Variants in WFS1 observed in about 807,000 individuals in gnomAD.
WFS1 encodes the protein wolframin.
WFS1 carries 90 observed loss-of-function variants against 68.5 expected under a neutral mutation model. The ratio of observed to expected loss-of-function variants is 1.31; its 90% CI spans 1.11 to 1.56. The LOEUF (loss-of-function observed/expected upper bound fraction) is 1.56. Ranked by LOEUF, WFS1 falls within the 40% of genes most tolerant of loss-of-function variation. WFS1 has a pLI of 0.00. For synonymous variants in WFS1, 860 were observed against 540.7 expected, an observed-to-expected ratio of 1.59 and a Z score of -8.19; for missense variants, 1,767 against 1,232.6, an observed-to-expected ratio of 1.43 and a Z score of -6.49.
Position 6,300,660 on chromosome 4 carries a change from G to A in WFS1, c.865G>A (p.Val289Ile). ...PEDLPLRLKV[V>I]KYPLHAIMEI... is the part of the protein sequence containing the mutation. ...CCACGTACCATCTTTCCCCCAGGTG[G>A]TCAAGTACCCCCTGCACGCCATCAT... The change falls in exon 8 of 8, where the codon GTC becomes ATC. Residue 289 changes from valine (V) to isoleucine (I), a missense_variant. Transcript: ENST00000226760. The A allele has an allele frequency of 6.2e-7, 1 of 1,613,964 alleles. No homozygotes were observed. The highest frequency in any genetic ancestry group is 1.3e-5 in the African/African-American group (1 of 74,980).
chr4:6,286,999 C>T (rs1730328863), intron 2 of WFS1, 94 bp from the exon 3 acceptor site: 1 of 1,088,618 alleles, frequency 9.2e-7, no homozygotes, highest in Non-Finnish European at 1.4e-6. Context: ...CAAGCAGCAG[C>T]AGATCTGAAG....
chr4:6,294,887 T>C, intron 6 of WFS1, 154 bp from the exon 7 acceptor site: 1 of 1,315,050 alleles, frequency 7.6e-7, no homozygotes, highest in East Asian at 2.4e-5. Flanking sequence ...TCCTCAACCC[T>C]CAGGCCGCCC....
At chr4:6,292,556 G>A (rs1730496453) in intron 6 of WFS1, among the ~76,000 whole-genome samples, 1 of 152,128 alleles carries the variant, frequency 6.6e-6, no homozygotes, top group Non-Finnish European at 1.5e-5. Context: ...TGTGGTCAAA[G>A]ACTGAGAAGA....
Position 6,301,458 on chromosome 4 carries a change from G to C in WFS1, c.1663G>C (p.Gly555Arg). 6.2e-7 allele frequency: 1 copy of C among 1,612,634 alleles called. No individual in the cohort carries two copies. ...VVILLESTGL[G>R]LLRASIGYFL... ...CATCCTGCTGGAGTCCACCGGCCTGGGGCTGCTCCGCGCCTCCATCGGCTA... is the reference window on the plus strand; with the variant it reads ...CATCCTGCTGGAGTCCACCGGCCTGCGGCTGCTCCGCGCCTCCATCGGCTA... The change falls in exon 8 of 8, where the codon GGG (glycine) becomes CGG (arginine). Residue 555 changes from glycine to arginine, a missense_variant. Transcript: ENST00000226760.
rs1489071190 is a variant in WFS1 at position 6,291,516 on chromosome 4, C to T, written c.631+149C>T. The T allele has an allele frequency of 4.6e-6, 5 of 1,083,214 alleles. No homozygotes were observed. The Admixed American group carries it at 1.0e-4, about 22-fold the overall frequency. 67.1% of individuals were successfully genotyped at this position (1,083,214 alleles called of 1,614,324 possible). ...CTTCCCTGTGAGGACAGGGCCCTTC[C>T]TTGTGGGGACCAGGGGACCAGAACC... On this transcript the variant is annotated intron_variant, in intron 5 of 7. Coordinates refer to ENST00000226760, the MANE Select transcript of WFS1 (RefSeq NM_006005.3).
rs757577536 is a variant in WFS1 at position 6,277,420 on chromosome 4, T to A, written c.-5-31T>A. ...GTGCCAGAGCGGGCTCTGCCGGTGC[T>A]GGATGTGCCTGACCTTGACTTTTCT... On this transcript the variant is annotated intron_variant, in intron 1 of 7. Transcript: ENST00000226760. 13 of 1,546,230 alleles carry A rather than the reference T, an allele frequency of 8.4e-6. No individual in the cohort carries two copies. In the East Asian group the frequency reaches 2.9e-4, roughly 35 times the overall value.
intron 4 of WFS1, among the ~76,000 whole-genome samples, chr4:6,290,981 G>A (rs1051830994): frequency 2.0e-4 from 30 of 152,358 alleles, no homozygotes; most frequent in Admixed American, 7.2e-4. Context: ...ACTTGGGGGC[G>A]TCTGGTGGGA....
At chr4:6,289,498 A>G (rs1266807012) in intron 4 of WFS1, among the ~76,000 whole-genome samples, 1 of 152,246 alleles carries the variant, frequency 6.6e-6, no homozygotes, top group Non-Finnish European at 1.5e-5. Context: ...AGAGTGGCCC[A>G]TGCCCCTGAG....
rs200258084 is a variant in WFS1 at position 6,302,435 on chromosome 4, C to T, written c.2640C>T (p.Asp880=). The T allele has an allele frequency of 3.7e-6, 6 of 1,613,186 alleles. No individual in the cohort carries two copies. In the African/African-American group the frequency reaches 8.0e-5, roughly 21 times the overall value. Residue 880 remains aspartate (D), a synonymous_variant, in exon 8 of 8, where the codon GAC becomes GAT. Coordinates refer to ENST00000226760, the MANE Select transcript of WFS1 (RefSeq NM_006005.3). ...ATGGCGCCGTGAAGTTCGCCTTCGA[C>T]TTCTTTTTCTTCCCATTCCTGTCGG... ...TVHGAVKFAF[D]FFFFPFLSAA is the part of the protein sequence containing the mutation.
chr4:6,285,764 G>A (rs927231783), intron 2 of WFS1, among the ~76,000 whole-genome samples: 4 of 152,202 alleles, frequency 2.6e-5, no homozygotes, highest in Admixed American at 2.0e-4. Flanking sequence ...GCCTGGCACG[G>A]TATGGTTCTG....
intron 1 of WFS1, among the ~76,000 whole-genome samples, chr4:6,275,125 A>G (rs534541175): frequency 6.6e-6 from 1 of 152,344 alleles, no homozygotes; most frequent in Non-Finnish European, 1.5e-5. Context: ...CTCATGAGAA[A>G]AGACAAGTAC....
rs769507863 is a variant in WFS1, at chr4:6,301,466, C to A, written c.1671C>A (p.Leu557=). 1 of 1,612,696 alleles carries A rather than the reference C, an allele frequency of 6.2e-7. No individual in the cohort carries two copies. The highest frequency in any genetic ancestry group is 8.5e-7 in the Non-Finnish European group (1 of 1,180,044). ...TGGAGTCCACCGGCCTGGGGCTGCT[C>A]CGCGCCTCCATCGGCTACTTCCTCT... ...ILLESTGLGL[L]RASIGYFLFL... is the part of the protein sequence containing the mutation. The change falls in exon 8 of 8, where the codon CTC becomes CTA. Residue 557 remains leucine (L), a synonymous_variant. Coordinates refer to ENST00000226760, the MANE Select transcript of WFS1 (RefSeq NM_006005.3).
rs1303110813 is a variant in WFS1, at chr4:6,289,017, G to A, written c.346G>A (p.Asp116Asn). 12 of 1,608,224 alleles carry A rather than the reference G, an allele frequency of 7.5e-6. 1 individual carries two copies. The highest frequency in any genetic ancestry group is 4.5e-5 in the East Asian group (2 of 44,708). ...GAAGCACTACCTGCAGTTGGCCGGCGACACGGATGAAGAACTCAACAGCTG... is the reference window on the plus strand; with the variant it reads ...GAAGCACTACCTGCAGTTGGCCGGCAACACGGATGAAGAACTCAACAGCTG... ...VGKHYLQLAG[D>N]TDEELNSCTA... The change falls in exon 4 of 8, where the codon GAC becomes AAC. Residue 116 changes from aspartate to asparagine, a missense_variant. Coordinates refer to ENST00000226760, the MANE Select transcript of WFS1 (RefSeq NM_006005.3).
In WFS1 at chr4:6,301,582, A is replaced by G; in HGVS notation, c.1787A>G (p.Lys596Arg). 6.2e-7 allele frequency: 1 copy of G among 1,614,138 alleles called. No individual in the cohort carries two copies. Among genetic ancestry groups the G allele is most frequent in the Non-Finnish European group, 8.5e-7 (1 of 1,180,036 alleles). ...ARWFTSLELT[K>R]IAVTVAVCSV... ...TGGTTCACGTCTCTGGAGCTCACCA[A>G]GATCGCAGTCACCGTGGCGGTCTGT... is the stretch of plus-strand genomic sequence containing the variant. Residue 596 changes from lysine (K) to arginine (R), a missense_variant, in exon 8 of 8, where the codon AAG becomes AGG. Physicochemically the swap from Lys to Arg is conservative, Grantham distance 26. Coordinates refer to ENST00000226760, the MANE Select transcript of WFS1 (RefSeq NM_006005.3).
chr4:6,299,907 GT>G lies in WFS1; in HGVS notation c.862-749del, dbSNP rs1730807827. Among the ~76,000 whole-genome samples, 2 of 138,146 alleles carry G rather than the reference GT, an allele frequency of 1.4e-5. 1 individual carries two copies. The highest frequency in any genetic ancestry group is 4.7e-4 in the South Asian group (2 of 4,246). 90.6% of individuals were successfully genotyped at this position (138,146 alleles called of 152,430 possible). Reference sequence around the variant, plus strand: ...GTGTGTGTGTAGGGGTGGGTTGTGTGTGTGTGTATGGGGTGGGTTTGTGTGA... The same window carrying G: ...GTGTGTGTGTAGGGGTGGGTTGTGTGGTGTGTATGGGGTGGGTTTGTGTGA... On this transcript the variant is annotated intron_variant, in intron 7 of 7. Transcript: ENST00000226760.
chr4:6,280,151 G>A (rs576679886), intron 2 of WFS1, among the ~76,000 whole-genome samples: 5 of 152,344 alleles, frequency 3.3e-5, no homozygotes, highest in East Asian at 1.9e-4. Context: ...GTGCCAGGGC[G>A]GGACTCCTCA....
chr4:6,300,733 A>C lies in WFS1; in HGVS notation c.938A>C (p.His313Pro). 6.2e-7 allele frequency: 1 copy of C among 1,614,036 alleles called. No homozygotes were observed. Among genetic ancestry groups the C allele is most frequent in the Admixed American group, 1.7e-5 (1 of 60,010 alleles). The change falls in exon 8 of 8, where the codon CAC (histidine) becomes CCC (proline). Residue 313 changes from histidine to proline, a missense_variant. His to Pro is a moderately conservative substitution (Grantham distance 77). Transcript: ENST00000226760. Reference sequence around the variant, plus strand: ...GACATGGCCTCCAGGGCAGGCATGCACTGGCTGTCCACCATCATCCCCACG... The same window carrying C: ...GACATGGCCTCCAGGGCAGGCATGCCCTGGCTGTCCACCATCATCCCCACG... ...LIDMASRAGM[H>P]WLSTIIPTHH...
Position 6,299,742 on chromosome 4 carries a change from C to CGT in WFS1, c.862-904_862-903dup, listed in dbSNP as rs555182294. Among the ~76,000 whole-genome samples, 51 of 47,400 alleles carry CGT rather than the reference C, an allele frequency of 1.1e-3. 4 individuals carry two copies. The East Asian group carries it at 0.026, about 24-fold the overall frequency. The allele number at this position is 47,400 out of a possible 152,430, so 31.1% of individuals were successfully genotyped here. ...GGGTTGTGTGAATGCGGGTAGGTTG[C>CGT]GTGTGTGTGTGTAGGGGTGGGTTGC... On this transcript the variant is annotated intron_variant, in intron 7 of 7. Coordinates refer to ENST00000226760, the MANE Select transcript of WFS1 (RefSeq NM_006005.3).
intron 7 of WFS1, among the ~76,000 whole-genome samples, 154 bp downstream of exon 7, chr4:6,295,343 T>A (rs996799956): frequency 6.6e-6 from 1 of 152,172 alleles, no homozygotes; most frequent in Non-Finnish European, 1.5e-5. Flanking sequence ...GGTCATCATC[T>A]ATCGTCATAA....
Sources: gnomAD v4.1 joint callset for allele counts (sites outside exome capture counted in the v4.1 genomes callset) on GRCh38, gnomAD v4.1.1 for gene constraint, MANE v1.5 for transcripts, NCBI Gene and HGNC (gene_info 2026-07-23, HGNC 2026-07-21) for gene names.